NDUFC1: variants seen among roughly 807,000 people sequenced by gnomAD.
The protein encoded by NDUFC1 is NADH:ubiquinone oxidoreductase subunit C1.
In NDUFC1, 11 loss-of-function variants were observed where a neutral mutation model predicts 11.6. The observed-to-expected ratio is 0.95, with a 90% CI of 0.60 to 1.58. The LOEUF (loss-of-function observed/expected upper bound fraction) is 1.58. NDUFC1 is among the 40% of genes most tolerant of loss of function. The probability of loss-of-function intolerance (pLI) is 0.00; values close to 1 mark genes in which losing one functional copy is unlikely to be tolerated. For missense variants in NDUFC1, 112 were observed against 93.0 expected, an observed-to-expected ratio of 1.20 and a Z score of -0.84; for synonymous variants, 52 against 42.2, an observed-to-expected ratio of 1.23 and a Z score of -0.90.
chr4:139,298,106 C>T (rs143628874), intron 1 of NDUFC1, among the ~76,000 whole-genome samples: 27 of 152,168 alleles, frequency 1.8e-4, no homozygotes, highest in African/African-American at 6.3e-4. Context: ...CAACCTCCCA[C>T]CTCCCCACAC....
intron 1 of NDUFC1, chr4:139,301,949 G>T: frequency 8.9e-7 from 1 of 1,123,506 alleles, no homozygotes; most frequent in Non-Finnish European, 1.3e-6. Flanking sequence ...CGCCTTCATA[G>T]CTCTCGTCAG....
chr4:139,293,533 C>T (rs539260718), intron 4 of NDUFC1, among the ~76,000 whole-genome samples: 1 of 152,228 alleles, frequency 6.6e-6, no homozygotes, highest in South Asian at 2.1e-4. Flanking sequence ...TCATTATAAG[C>T]AACATTATTC....
rs1745515499 is a variant in NDUFC1 at position 139,297,396 on chromosome 4, T to C, written c.-174A>G. On this transcript the variant is annotated 5_prime_UTR_variant, in exon 2 of 6. Coordinates refer to ENST00000394223, the MANE Select transcript of NDUFC1 (RefSeq NM_001184989.2). ...CACATTTTTCTCACCATATTAGAGC[T>C]GATGGGAACTGTACACTTGGAGTAC... The C allele has an allele frequency of 6.6e-6, 1 of 152,226 alleles. No individual in the cohort carries two copies. Among genetic ancestry groups the C allele is most frequent in the Non-Finnish European group, 1.5e-5 (1 of 68,038 alleles). 9.4% of individuals were successfully genotyped at this position (152,226 alleles called of 1,614,324 possible). A position where few individuals can be genotyped will look rare whatever the true frequency, so the allele number is the denominator to read the frequency against.
At position 139,295,141 on chromosome 4, in the gene NDUFC1, C is replaced by T; in HGVS notation, c.73G>A (p.Val25Met). Residue 25 changes from valine to methionine, a missense_variant, in exon 4 of 6, where the codon GTG (valine) becomes ATG (methionine). Transcript: ENST00000394223. ...TCTCGCACGTAGAACTTTGATCGCACTGAAGCTGAAAGGGGAAGAGGGTCT... is the reference window on the plus strand; with the variant it reads ...TCTCGCACGTAGAACTTTGATCGCATTGAAGCTGAAAGGGGAAGAGGGTCT... Reference protein sequence around the residue: ...APARLPSGPSVRSKFYVREPP... With the variant: ...APARLPSGPSMRSKFYVREPP... 1.9e-6 allele frequency: 3 copies of T among 1,614,014 alleles called. No homozygotes were observed. Among genetic ancestry groups the T allele is most frequent in the Middle Eastern group, 1.6e-4 (1 of 6,062 alleles).
intron 4 of NDUFC1, among the ~76,000 whole-genome samples, chr4:139,293,634 T>C (rs1351050626): frequency 6.6e-6 from 1 of 152,200 alleles, no homozygotes; most frequent in Non-Finnish European, 1.5e-5. Flanking sequence ...CAAGAAAATT[T>C]AAAATATCTT....
At chr4:139,291,343 G>A (rs952088200) in intron 5 of NDUFC1, among the ~76,000 whole-genome samples, 3 of 151,962 alleles carry the variant, frequency 2.0e-5, no homozygotes, top group Middle Eastern at 3.4e-3. Context: ...TTGGGAGGCC[G>A]AGGCGGGCAG....
intron 5 of NDUFC1, 76 bp downstream of exon 5, chr4:139,292,454 G>A (rs561458429): frequency 6.6e-6 from 4 of 608,808 alleles, no homozygotes; most frequent in East Asian, 6.3e-5. Context: ...CAAACAACAA[G>A]CTTGTTTTTC....
chr4:139,301,786 C>A, intron 1 of NDUFC1: 1 of 1,581,254 alleles, frequency 6.3e-7, no homozygotes, highest in East Asian at 2.4e-5. Context: ...CGATGCCGGC[C>A]GTGAGCCTCC....
At chr4:139,299,040 G>A (rs981729881) in intron 1 of NDUFC1, among the ~76,000 whole-genome samples, 3 of 151,856 alleles carry the variant, frequency 2.0e-5, no homozygotes, top group Non-Finnish European at 4.4e-5. Flanking sequence ...TGCGATCTTG[G>A]CTCACTGCAA....
intron 4 of NDUFC1, among the ~76,000 whole-genome samples, chr4:139,294,264 C>T (rs1286180530): frequency 6.6e-6 from 1 of 151,676 alleles, no homozygotes; most frequent in African/African-American, 2.4e-5. Flanking sequence ...TTAAAAAGGT[C>T]GCTACACACT....
intron 5 of NDUFC1, among the ~76,000 whole-genome samples, chr4:139,291,177 A>G (rs1007809811): frequency 3.9e-5 from 6 of 151,906 alleles, no homozygotes; most frequent in African/African-American, 1.4e-4. Flanking sequence ...ACCATGCAGA[A>G]TAAACTATCT....
chr4:139,291,962 G>A (rs970994800), intron 5 of NDUFC1, among the ~76,000 whole-genome samples: 6 of 151,412 alleles, frequency 4.0e-5, no homozygotes, highest in Non-Finnish European at 7.4e-5. Flanking sequence ...TCAGCCTCGC[G>A]AGTAGCTGAG....
chr4:139,298,008 A>G (rs1745536358), intron 1 of NDUFC1, among the ~76,000 whole-genome samples: 1 of 150,022 alleles, frequency 6.7e-6, no homozygotes, highest in Admixed American at 6.7e-5. Flanking sequence ...AGGTGAGGCT[A>G]CAGTAAGCCA....
intron 5 of NDUFC1, among the ~76,000 whole-genome samples, chr4:139,291,385 G>C (rs557385620): frequency 6.6e-6 from 1 of 151,968 alleles, no homozygotes; most frequent in African/African-American, 2.4e-5. Context: ...GACCATCCTG[G>C]CCAACATGGG....
At chr4:139,302,131 G>C (rs1745798355) in intron 1 of NDUFC1, 3 of 343,822 alleles carry the variant, frequency 8.7e-6, no homozygotes, top group Non-Finnish European at 1.6e-5. Flanking sequence ...GGGGAGAAGA[G>C]GCCCGGCCTT....
rs1560937238 is a variant in NDUFC1, at chr4:139,290,067, A to G, written c.*46T>C. 2 of 152,116 alleles carry G rather than the reference A, an allele frequency of 1.3e-5. No individual in the cohort carries two copies. Among genetic ancestry groups the G allele is most frequent in the Admixed American group, 6.6e-5 (1 of 15,258 alleles). The allele number at this position is 152,116 out of a possible 1,614,324, so 9.4% of individuals were successfully genotyped here. A position where few individuals can be genotyped will look rare whatever the true frequency, so the allele number is the denominator to read the frequency against. ...CAACAGATGGTGAATCCAGAGGAACAGCTACAATCACTATACGGAGCATAC... is the reference window on the plus strand; with the variant it reads ...CAACAGATGGTGAATCCAGAGGAACGGCTACAATCACTATACGGAGCATAC... On this transcript the variant is annotated 3_prime_UTR_variant, in exon 6 of 6. Transcript: ENST00000394223.
intron 1 of NDUFC1, chr4:139,300,735 A>G (rs1745676756): frequency 6.6e-6 from 1 of 152,186 alleles, no homozygotes; most frequent in African/African-American, 2.4e-5. Context: ...TCACAATATT[A>G]AGAACTAGTT....
chr4:139,299,045 C>T (rs1439113002), intron 1 of NDUFC1, among the ~76,000 whole-genome samples: 1 of 151,944 alleles, frequency 6.6e-6, no homozygotes, highest in Non-Finnish European at 1.5e-5. Flanking sequence ...TCTTGGCTCA[C>T]TGCAACCTCC....
Position 139,292,545 on chromosome 4 carries a change from A to G in NDUFC1, c.*5T>C, listed in dbSNP as rs1041863297. On this transcript the variant is annotated 3_prime_UTR_variant, in exon 5 of 6. Transcript: ENST00000394223. ...GTATACTTACTACATTAGTGTTTCA[A>G]AAGTTTATTCCAGCCCATTTCTTCT... is the stretch of plus-strand genomic sequence containing the variant. The G allele has an allele frequency of 6.5e-7, 1 of 1,530,658 alleles. No homozygotes were observed. The highest frequency in any genetic ancestry group is 1.8e-5 in the Admixed American group (1 of 57,132). 94.8% of individuals were successfully genotyped at this position (1,530,658 alleles called of 1,614,324 possible). A position where few individuals can be genotyped will look rare whatever the true frequency, so the allele number is the denominator to read the frequency against.
Sources: gnomAD v4.1 joint callset for allele counts (sites outside exome capture counted in the v4.1 genomes callset) on GRCh38, gnomAD v4.1.1 for gene constraint, MANE v1.5 for transcripts, NCBI Gene and HGNC (gene_info 2026-07-23, HGNC 2026-07-21) for gene names.